The following DUX4 variants were observed in gnomAD, a reference collection of about 807,000 sequenced individuals.
DUX4 encodes the protein double homeobox protein 4.
downstream of DUX4, among the ~76,000 whole-genome samples, chr4:190,178,882 C>CAG (rs1742459623): frequency 7.7e-5 from 11 of 143,770 alleles, no homozygotes; most frequent in East Asian, 4.2e-4. Flanking sequence ...GTGATCAGTG[C>CAG]AGATCTATGT....
downstream of DUX4, among the ~76,000 whole-genome samples, chr4:190,179,034 G>GTTAAT (rs1742473056): frequency 1.5e-4 from 1 of 6,842 alleles, no homozygotes; most frequent in Non-Finnish European, 2.7e-4. Flanking sequence ...ATGTCACAAA[G>GTTAAT]TCCCTTTAGG....
At chr4:190,182,348 T>TGAATTC (rs1742611583) in intron 1 of DUX4, among the ~76,000 whole-genome samples, 1 of 82,092 alleles carries the variant, frequency 1.2e-5, no homozygotes, top group Admixed American at 1.7e-4. Context: ...GGTTCAAGTT[T>TGAATTC]GGATTCGGGT....
chr4:190,182,355 G>T (rs1159133389), intron 1 of DUX4, among the ~76,000 whole-genome samples: 1 of 57,810 alleles, frequency 1.7e-5, no homozygotes, highest in African/African-American at 3.8e-5. Context: ...GTTTGGATTC[G>T]GGTTCAGGTT....
At chr4:190,180,152 C>A (rs1579836596), downstream of DUX4, among the ~76,000 whole-genome samples, 1 of 60,664 alleles carries the variant, frequency 1.6e-5, no homozygotes, top group Non-Finnish European at 3.2e-5. Context: ...AGAGAAGAGT[C>A]CCATCACCTG....
chr4:190,181,720 C>T (rs1579837997), intron 1 of DUX4, among the ~76,000 whole-genome samples: 61 of 76,608 alleles, frequency 8.0e-4, no homozygotes, highest in Admixed American at 1.0e-3. Context: ...AGATCCAACA[C>T]AAGAGTTACA....
downstream of DUX4, among the ~76,000 whole-genome samples, chr4:190,177,373 C>T (rs1742363121): frequency 7.7e-6 from 1 of 129,122 alleles, no homozygotes; most frequent in South Asian, 2.4e-4. Context: ...CCTGGGTTAT[C>T]AGTGCAGAAA....
intron 1 of DUX4, among the ~76,000 whole-genome samples, chr4:190,184,143 A>C (rs1422607954): frequency 1.3e-4 from 16 of 126,166 alleles, no homozygotes; most frequent in Non-Finnish European, 1.7e-4. Flanking sequence ...GGAGAGCATG[A>C]GAATGTTAGG....
At chr4:190,179,792 GGCA>G (rs1742512571), downstream of DUX4, among the ~76,000 whole-genome samples, 1 of 25,302 alleles carries the variant, frequency 4.0e-5, no homozygotes, top group African/African-American at 2.2e-4. Flanking sequence ...TGCCCCTGTA[GGCA>G]AGCCTACACA....
At chr4:190,181,518 A>C in intron 1 of DUX4, among the ~76,000 whole-genome samples, 1 of 151,864 alleles carries the variant, frequency 6.6e-6, no homozygotes, top group Non-Finnish European at 1.5e-5. Flanking sequence ...AGCCTGGACA[A>C]GAGTTACATC....
chr4:190,177,138 AGTGG>A (rs1742344122), downstream of DUX4, among the ~76,000 whole-genome samples: 2 of 151,582 alleles, frequency 1.3e-5, no homozygotes, highest in Admixed American at 6.6e-5. Flanking sequence ...GTAGGCAGAG[AGTGG>A]ACAAGAGTTA....
chr4:190,181,246 G>GCGTCTGTC (rs1742557530), intron 1 of DUX4, among the ~76,000 whole-genome samples: 1 of 58,626 alleles, frequency 1.7e-5, no homozygotes, highest in Non-Finnish European at 3.6e-5. Context: ...TCCAAGACAA[G>GCGTCTGTC]AGTCTGTCAC....
At chr4:190,178,929 C>CCCCATAGGCAGATCCGAGAGAAGA (rs1742464386), downstream of DUX4, among the ~76,000 whole-genome samples, 1 of 86,706 alleles carries the variant, frequency 1.2e-5, no homozygotes, top group Non-Finnish European at 2.5e-5. Flanking sequence ...GACAAGAGTC[C>CCCCATAGGCAGATCCGAGAGAAGA]GTCTCCTGGG....
At chr4:190,179,519 TAGG>T (rs1742501179), downstream of DUX4, among the ~76,000 whole-genome samples, 1 of 136,588 alleles carries the variant, frequency 7.3e-6, no homozygotes. Context: ...AAGCCCCCTG[TAGG>T]CAGAGCCTAG....
chr4:190,177,884 A>T (rs1579833456), downstream of DUX4, among the ~76,000 whole-genome samples: 31 of 10,428 alleles, frequency 3.0e-3, no homozygotes, highest in South Asian at 9.6e-3. Flanking sequence ...CCCTGTAGCC[A>T]TATCCTTGAC....
downstream of DUX4, among the ~76,000 whole-genome samples, chr4:190,179,510 AGCCCCC>A (rs1742500119): frequency 8.0e-5 from 10 of 125,080 alleles, no homozygotes; most frequent in Admixed American, 1.5e-4. Flanking sequence ...ATATGTCACA[AGCCCCC>A]TGTAGGCAGA....
At position 190,183,303 on chromosome 4, in the gene DUX4, G is replaced by T. The variant is rs1192467280; in HGVS notation, n.93-2038G>T. 6.4e-5 allele frequency: 7 copies of T among 109,258 alleles called. 1 individual carries two copies. Among genetic ancestry groups the T allele is most frequent in the Admixed American group, 2.3e-4 (2 of 8,528 alleles). The allele number at this position is 109,258 out of a possible 1,614,324, so 6.8% of individuals were successfully genotyped here. A position where few individuals can be genotyped will look rare whatever the true frequency, so the allele number is the denominator to read the frequency against. On this transcript the variant is annotated intron_variant and non_coding_transcript_variant, in intron 1 of 2. Transcript: ENST00000563716. ...TGTGGACAGTTTCTCCTCATGGAAAGGTAGTGTGTTCCTGCTAAATCATGG... is the reference window on the plus strand; with the variant it reads ...TGTGGACAGTTTCTCCTCATGGAAATGTAGTGTGTTCCTGCTAAATCATGG...
At chr4:190,178,142 C>A (rs1742406207), downstream of DUX4, among the ~76,000 whole-genome samples, 3 of 152,104 alleles carry the variant, frequency 2.0e-5, no homozygotes, top group Non-Finnish European at 2.9e-5. Flanking sequence ...AGTGATGTCA[C>A]AACGCCCTCT....
At chr4:190,183,062 T>TC (rs1742620553) in intron 1 of DUX4, among the ~76,000 whole-genome samples, 1 of 37,888 alleles carries the variant, frequency 2.6e-5, no homozygotes, top group Non-Finnish European at 8.6e-5. Flanking sequence ...AGGGCTGGGT[T>TC]AGGTTTAGGG....
At position 190,175,737 on chromosome 4, in the gene DUX4, T is replaced by C; in HGVS notation, c.*327T>C. 6.1e-6 allele frequency: 1 copy of C among 164,434 alleles called. No individual in the cohort carries two copies. Among genetic ancestry groups the C allele is most frequent in the Non-Finnish European group, 1.2e-5 (1 of 86,010 alleles). 10.2% of individuals were successfully genotyped at this position (164,434 alleles called of 1,614,324 possible). A position where few individuals can be genotyped will look rare whatever the true frequency, so the allele number is the denominator to read the frequency against. Reference sequence around the variant, plus strand: ...TCTTCCGTGAAATTCTGGCTGAATGTCTCCCCCCACCTTCCGACGCTGTCT... The same window carrying C: ...TCTTCCGTGAAATTCTGGCTGAATGCCTCCCCCCACCTTCCGACGCTGTCT... On this transcript the variant is annotated 3_prime_UTR_variant, in exon 2 of 2. Coordinates refer to ENST00000565211, the MANE Select transcript of DUX4 (RefSeq NM_001306068.3).
Sources: gnomAD v4.1 joint callset for allele counts (sites outside exome capture counted in the v4.1 genomes callset) on GRCh38, gnomAD v4.1.1 for gene constraint, MANE v1.5 for transcripts, NCBI Gene and HGNC (gene_info 2026-07-23, HGNC 2026-07-21) for gene names.